Variants in SETBP1 observed in about 807,000 individuals in gnomAD.
SETBP1 encodes the protein SET binding protein 1.
SETBP1 carries 9 observed loss-of-function variants against 101.0 expected under a neutral mutation model. The observed-to-expected ratio is 0.09, with a 90% CI of 0.05 to 0.16. The LOEUF (loss-of-function observed/expected upper bound fraction) is 0.16, where lower values mean the gene tolerates loss of function less well. SETBP1 is among the 10% of genes least tolerant of loss of function. The pLI is 1.00. For missense variants in SETBP1, 1,858 were observed against 2,033.8 expected (o/e 0.91, Z 1.66); for synonymous variants, 818 against 788.5 (o/e 1.04, Z -0.63).
intron 2 of SETBP1, among the ~76,000 whole-genome samples, chr18:44,781,448 GCT>G (rs139439080): frequency 3.4e-3 from 485 of 141,166 alleles, no homozygotes; most frequent in Non-Finnish European, 3.0e-3. Context: ...TCTTTGCACC[GCT>G]CTCTCTCTCT....
rs1160780459 is a variant in SETBP1 at position 44,989,785 on chromosome 18, C to T, written c.4000+36445C>T. 5.9e-5 allele frequency among the ~76,000 whole-genome samples: 8 copies of T among 135,038 alleles called. No individual in the cohort carries two copies. In the East Asian group the frequency reaches 7.2e-4, roughly 12 times the overall value. The allele number at this position is 135,038 out of a possible 152,430, so 88.6% of individuals were successfully genotyped here. ...TTGGGAGGCTGAGGCAGGAGAATGG[C>T]GTGAACCCGGGAGGCGGAGCTTGCA... On this transcript the variant is annotated intron_variant, in intron 4 of 5. Coordinates refer to ENST00000649279, the MANE Select transcript of SETBP1 (RefSeq NM_015559.3).
chr18:45,061,888 C>T lies in SETBP1; in HGVS notation c.4172-1191C>T, dbSNP rs1437725140. Among the ~76,000 whole-genome samples, 3 of 152,208 alleles carry T rather than the reference C, an allele frequency of 2.0e-5. No homozygotes were observed. In the East Asian group the frequency reaches 5.8e-4, roughly 29 times the overall value. On this transcript the variant is annotated intron_variant, in intron 5 of 5. Transcript: ENST00000649279. ...GTAGGTCTTCCACATGGGCTCCTTT[C>T]GGGTTGAACATGCAGCGTAAATCAT...
At chr18:44,990,009 G>A (rs1429686698) in intron 4 of SETBP1, among the ~76,000 whole-genome samples, 6 of 148,374 alleles carry the variant, frequency 4.0e-5, no homozygotes, top group African/African-American at 7.4e-5. Context: ...CATCTCAACA[G>A]TAACAATGAA....
At chr18:44,947,492 C>CTTTTTT (rs58509226) in intron 3 of SETBP1, among the ~76,000 whole-genome samples, 1 of 114,210 alleles carries the variant, frequency 8.8e-6, no homozygotes, top group Admixed American at 9.5e-5. Context: ...GTTTGTCCCA[C>CTTTTTT]TTTTTTTTTT....
At chr18:44,847,114 G>A (rs1303937310) in intron 2 of SETBP1, among the ~76,000 whole-genome samples, 1 of 152,236 alleles carries the variant, frequency 6.6e-6, no homozygotes, top group East Asian at 1.9e-4. Context: ...ATATGTTAGA[G>A]TTGGAACCCT....
intron 2 of SETBP1, among the ~76,000 whole-genome samples, chr18:44,702,215 T>A (rs1236709662): frequency 1.3e-5 from 2 of 152,210 alleles, no homozygotes; most frequent in African/African-American, 4.8e-5. Flanking sequence ...TTCATCCTCA[T>A]CGTCTTCATG....
chr18:44,885,097 T>C (rs900045090), intron 3 of SETBP1, among the ~76,000 whole-genome samples: 1 of 152,134 alleles, frequency 6.6e-6, no homozygotes, highest in Admixed American at 6.5e-5. Flanking sequence ...CAGGCAAAGC[T>C]CACCACCTTA....
At chr18:44,738,239 T>C (rs1258140004) in intron 2 of SETBP1, among the ~76,000 whole-genome samples, 1 of 152,188 alleles carries the variant, frequency 6.6e-6, no homozygotes, top group African/African-American at 2.4e-5. Context: ...TTGCCATTGT[T>C]TGAAGAACGA....
Position 45,065,058 on chromosome 18 carries a change from ACT to A in SETBP1, c.*1361_*1362del, listed in dbSNP as rs1289300685. 1 of 152,202 alleles carries A rather than the reference ACT, an allele frequency of 6.6e-6. No individual in the cohort carries two copies. The highest frequency in any genetic ancestry group is 1.5e-5 in the Non-Finnish European group (1 of 68,032). The allele number at this position is 152,202 out of a possible 1,614,324, so 9.4% of individuals were successfully genotyped here. A position where few individuals can be genotyped will look rare whatever the true frequency, so the allele number is the denominator to read the frequency against. Reference sequence around the variant, plus strand: ...AATCTATCAGTCTGCATGGATGCAAACTGTGTGTGACAAATCGTCTTTTAAAT... The same window carrying A: ...AATCTATCAGTCTGCATGGATGCAAAGTGTGTGACAAATCGTCTTTTAAAT... On this transcript the variant is annotated 3_prime_UTR_variant, in exon 6 of 6. Coordinates refer to ENST00000649279, the MANE Select transcript of SETBP1 (RefSeq NM_015559.3).
chr18:44,959,344 A>G (rs2071561395), intron 4 of SETBP1, among the ~76,000 whole-genome samples: 1 of 152,212 alleles, frequency 6.6e-6, no homozygotes, highest in Non-Finnish European at 1.5e-5. Flanking sequence ...ACTCTATAAA[A>G]AGAACAAGTG....
intron 4 of SETBP1, among the ~76,000 whole-genome samples, chr18:44,968,423 G>A (rs574177809): frequency 5.1e-4 from 78 of 152,342 alleles, no homozygotes; most frequent in Admixed American, 1.0e-3. Flanking sequence ...AAGCTGGATA[G>A]TGGGCATGAT....
intron 3 of SETBP1, among the ~76,000 whole-genome samples, chr18:44,879,151 A>AT (rs2069475217): frequency 6.6e-6 from 1 of 152,220 alleles, no homozygotes; most frequent in Non-Finnish European, 1.5e-5. Context: ...TACAGCTATA[A>AT]ATAGTAAAAA....
At chr18:45,033,748 A>G (rs1428319852) in intron 4 of SETBP1, among the ~76,000 whole-genome samples, 1 of 152,254 alleles carries the variant, frequency 6.6e-6, no homozygotes, top group African/African-American at 2.4e-5. Flanking sequence ...TGAATTACAT[A>G]TGGATCCCTT....
chr18:44,744,002 G>T (rs1316417429), intron 2 of SETBP1, among the ~76,000 whole-genome samples: 1 of 152,208 alleles, frequency 6.6e-6, no homozygotes, highest in Non-Finnish European at 1.5e-5. Context: ...AGAGATTCTG[G>T]CCACATATAA....
intron 2 of SETBP1, among the ~76,000 whole-genome samples, chr18:44,760,927 T>G (rs2070625964): frequency 6.6e-6 from 1 of 152,350 alleles, no homozygotes; most frequent in East Asian, 1.9e-4. Flanking sequence ...TTCAATCCTT[T>G]GCATATGGCT....
chr18:44,719,461 G>A (rs1028551485), intron 2 of SETBP1, among the ~76,000 whole-genome samples: 4 of 152,142 alleles, frequency 2.6e-5, no homozygotes, highest in Non-Finnish European at 5.9e-5. Context: ...GACCTTTTCC[G>A]AGAAGGAATG....
chr18:44,986,323 G>A (rs1312717763), intron 4 of SETBP1: 3 of 152,196 alleles, frequency 2.0e-5, no homozygotes, highest in Admixed American at 1.3e-4. Flanking sequence ...TATTGTGAAC[G>A]GAGATTATAG....
chr18:44,795,507 C>G (rs1380565921), intron 2 of SETBP1, among the ~76,000 whole-genome samples: 1 of 152,148 alleles, frequency 6.6e-6, no homozygotes, highest in East Asian at 1.9e-4. Flanking sequence ...ATTCTGCCCA[C>G]CTATTGATTC....
At chr18:44,787,928 C>G (rs372220867) in intron 2 of SETBP1, among the ~76,000 whole-genome samples, 17 of 142,140 alleles carry the variant, frequency 1.2e-4, no homozygotes, top group South Asian at 4.6e-4. Context: ...CAAAAGACTT[C>G]ATGAAACATA....
Sources: gnomAD v4.1 joint callset for allele counts (sites outside exome capture counted in the v4.1 genomes callset) on GRCh38, gnomAD v4.1.1 for gene constraint, MANE v1.5 for transcripts, NCBI Gene and HGNC (gene_info 2026-07-23, HGNC 2026-07-21) for gene names.